LDB1: variants seen among roughly 807,000 people sequenced by gnomAD.
The protein encoded by LDB1 is LIM domain binding 1.
Under a neutral mutation model 49.7 loss-of-function variants are expected in LDB1, and 6 were observed. The observed-to-expected ratio is 0.12, with a 90% CI of 0.07 to 0.24. The LOEUF (loss-of-function observed/expected upper bound fraction) is 0.24. Ranked by LOEUF, LDB1 falls within the 10% of genes least tolerant of loss-of-function variation. LDB1 has a pLI of 1.00. For synonymous variants in LDB1, 233 were observed against 202.0 expected (o/e 1.15, Z -1.30); for missense variants, 341 against 561.7 (o/e 0.61, Z 3.97).
In LDB1 at chr10:102,106,835, G is replaced by A. The variant is rs879584498; in HGVS notation, c.*1258C>T. On this transcript the variant is annotated 3_prime_UTR_variant, in exon 11 of 11. Coordinates refer to ENST00000673968, the MANE Select transcript of LDB1 (RefSeq NM_001113407.3). ...CTGGCTGCACCCTGGCAGAGCCGAG[G>A]ATCCCGGCTGCCTCCTCCTCCTTCC... 1.3e-5 allele frequency among the ~76,000 whole-genome samples: 2 copies of A among 152,142 alleles called. No homozygotes were observed. Among genetic ancestry groups the A allele is most frequent in the Non-Finnish European group, 2.9e-5 (2 of 68,040 alleles).
rs1284157617 is a variant in LDB1, at chr10:102,107,147, T to G, written c.*946A>C. 6.6e-6 allele frequency among the ~76,000 whole-genome samples: 1 copy of G among 152,060 alleles called. No homozygotes were observed. Among genetic ancestry groups the G allele is most frequent in the Non-Finnish European group, 1.5e-5 (1 of 68,018 alleles). On this transcript the variant is annotated 3_prime_UTR_variant, in exon 11 of 11. Transcript: ENST00000673968. The stretch of plus-strand genomic sequence containing the variant: ...GCTGCTCCCTTCTCTCCACGCTCCC[T>G]AAGGGAAGGAGCCTCCCCTCCCCGC...
intron 1 of LDB1, chr10:102,114,881 C>T (rs975156438): frequency 4.4e-4 from 429 of 980,622 alleles, no homozygotes; most frequent in Non-Finnish European, 5.0e-4. Context: ...ACCCGGCACT[C>T]ACACTCACTC....
At chr10:102,114,538 T>A (rs929622643) in intron 1 of LDB1, 2 of 985,726 alleles carry the variant, frequency 2.0e-6, no homozygotes, top group African/African-American at 1.7e-5. Flanking sequence ...CAGGCCCGAC[T>A]GGGAGCTCCA....
rs1564912926 is a variant in LDB1 at position 102,110,871 on chromosome 10, T to C, written c.350A>G (p.Tyr117Cys). The change falls in exon 5 of 11, where the codon TAT (tyrosine) becomes TGT (cysteine). Residue 117 changes from tyrosine (Y) to cysteine (C), a missense_variant and splice_region_variant. Physicochemically the swap from Tyr to Cys is radical, Grantham distance 194. Around this residue, in one of 5 missense-constraint regions of LDB1, gnomAD observed 233 missense variants for 385.7 expected, o/e 0.60. Transcript: ENST00000673968. Reference sequence around the variant, plus strand: ...GCAAGACCCCAGAGGCCACTTACTATATCTCTTTGGTCCATCCTCCAGGCA... The same window carrying C: ...GCAAGACCCCAGAGGCCACTTACTACATCTCTTTGGTCCATCCTCCAGGCA... ...TFCLEDGPKR[Y>C]TIGRTLIPRY... 1 of 1,613,608 alleles carries C rather than the reference T, an allele frequency of 6.2e-7. No individual in the cohort carries two copies.
In LDB1 at chr10:102,111,509, T is replaced by C; in HGVS notation, c.53A>G (p.Tyr18Cys). ...GCCGTTCGGGGGCTCCTTCGGCGAG[T>C]ACAGCTTGAATGACTTTGAGGAACA... ...PGCSSKSFKL[Y>C]SPKEPPNGNA... The change falls in exon 2 of 11, where the codon TAC becomes TGC. Residue 18 changes from tyrosine (Y) to cysteine (C), a missense_variant. By Grantham distance (194) the Tyr-to-Cys change is radical (BLOSUM62 -2). Coordinates refer to ENST00000673968, the MANE Select transcript of LDB1 (RefSeq NM_001113407.3). 1 of 1,544,484 alleles carries C rather than the reference T, an allele frequency of 6.5e-7. No homozygotes were observed. The highest frequency in any genetic ancestry group is 8.7e-7 in the Non-Finnish European group (1 of 1,146,678).
downstream of LDB1, among the ~76,000 whole-genome samples, chr10:102,103,487 C>T (rs2068134023): frequency 6.6e-6 from 1 of 152,036 alleles, no homozygotes; most frequent in African/African-American, 2.4e-5. Flanking sequence ...ACTATAGATG[C>T]ACCACCACAC....
Position 102,108,047 on chromosome 10 carries a change from G to A in LDB1, c.*46C>T, listed in dbSNP as rs916613562. The A allele has an allele frequency of 1.4e-6, 2 of 1,401,996 alleles. No individual in the cohort carries two copies. The highest frequency in any genetic ancestry group is 1.4e-5 in the African/African-American group (1 of 70,720). 86.8% of individuals were successfully genotyped at this position (1,401,996 alleles called of 1,614,324 possible). A position where few individuals can be genotyped will look rare whatever the true frequency, so the allele number is the denominator to read the frequency against. ...GTCTTCTGCTCCCTGGGGCTGTGAG[G>A]GGTGGGGCAGGTAGGCAGAGCACTG... On this transcript the variant is annotated 3_prime_UTR_variant, in exon 11 of 11. Coordinates refer to ENST00000673968, the MANE Select transcript of LDB1 (RefSeq NM_001113407.3).
In LDB1 at chr10:102,108,265, T is replaced by A. The variant is rs763248283; in HGVS notation, c.1064A>T (p.Glu355Val). Residue 355 changes from glutamate to valine, a missense_variant, in exon 11 of 11, where the codon GAG becomes GTG. Physicochemically the swap from Glu to Val is moderately radical, Grantham distance 121 (BLOSUM62 -2). Coordinates refer to ENST00000673968, the MANE Select transcript of LDB1 (RefSeq NM_001113407.3). ...LMGGEFGDED[E>V]RLITRLENTQ... ...GTTCTCCAGCCGGGTGATGAGCCTC[T>A]CGTCCTCGTCCCCGAACTCCCCGCC... The A allele has an allele frequency of 6.2e-7, 1 of 1,614,028 alleles. No individual in the cohort carries two copies. The highest frequency in any genetic ancestry group is 8.5e-7 in the Non-Finnish European group (1 of 1,179,966).
At position 102,106,655 on chromosome 10, in the gene LDB1, A is replaced by G. The variant is rs2068164275; in HGVS notation, c.*1438T>C. Among the ~76,000 whole-genome samples, 1 of 149,154 alleles carries G rather than the reference A, an allele frequency of 6.7e-6. No individual in the cohort carries two copies. Among genetic ancestry groups the G allele is most frequent in the Non-Finnish European group, 1.5e-5 (1 of 67,380 alleles). On this transcript the variant is annotated 3_prime_UTR_variant, in exon 11 of 11. Coordinates refer to ENST00000673968, the MANE Select transcript of LDB1 (RefSeq NM_001113407.3). ...TCAGCTCCTGACTCAATACCCTTCCAAAAGTGGCAGCTGGAGTGGAGGAAA... is the reference window on the plus strand; with the variant it reads ...TCAGCTCCTGACTCAATACCCTTCCGAAAGTGGCAGCTGGAGTGGAGGAAA...
chr10:102,104,388 G>C (rs912776842), downstream of LDB1, among the ~76,000 whole-genome samples: 6 of 152,088 alleles, frequency 3.9e-5, no homozygotes, highest in African/African-American at 1.4e-4. Context: ...TGCCTTACCT[G>C]CACATATAAA....
rs1050374555 is a variant in LDB1, at chr10:102,111,469, G to C, written c.93C>G (p.Pro31=). 3 of 1,566,006 alleles carry C rather than the reference G, an allele frequency of 1.9e-6. No homozygotes were observed. Among genetic ancestry groups the C allele is most frequent in the East Asian group, 4.5e-5 (2 of 44,376 alleles). ...KEPPNGNAFP[P]FHPGTMLDRD... ...TATCCAGCATGGTGCCGGGATGGAA[G>C]GGGGGAAAGGCGTTGCCGTTCGGGG... The change falls in exon 2 of 11, where the codon CCC becomes CCG. Residue 31 remains proline, a synonymous_variant. Coordinates refer to ENST00000673968, the MANE Select transcript of LDB1 (RefSeq NM_001113407.3).
At chr10:102,119,977 T>TC in intron 1 of LDB1, 109 bp downstream of exon 1, 4 of 816,046 alleles carry the variant, frequency 4.9e-6, no homozygotes, top group Non-Finnish European at 7.0e-6. Flanking sequence ...GCCCCCGGCT[T>TC]CCCCCATGCC....
At chr10:102,108,947 T>A (rs1446958733) in intron 10 of LDB1, 82 bp downstream of exon 10, 1 of 1,572,002 alleles carries the variant, frequency 6.4e-7, no homozygotes, top group South Asian at 1.1e-5. Flanking sequence ...CTTCTACGCC[T>A]GCTAGTGAGC....
In LDB1 at chr10:102,117,834, G is replaced by A. The variant is rs774679299; in HGVS notation, c.25+2252C>T. ...GCCCCAGAAGCTGGTCCTCACCCCA[G>A]GAGCAATATGGGTGTTGGGCATGTG... On this transcript the variant is annotated intron_variant, in intron 1 of 10. Transcript: ENST00000673968. The surrounding 1 kb of genome is among the most constrained non-coding windows in gnomAD (Gnocchi z 4.2). Among the ~76,000 whole-genome samples the A allele has an allele frequency of 1.3e-5, 2 of 152,204 alleles. No individual in the cohort carries two copies. The highest frequency in any genetic ancestry group is 1.5e-5 in the Non-Finnish European group (1 of 68,032).
chr10:102,111,363 C>A, intron 2 of LDB1, 63 bp from the exon 3 acceptor site: 1 of 1,593,926 alleles, frequency 6.3e-7, no homozygotes, highest in Non-Finnish European at 8.6e-7. Context: ...GGGCAGGGGG[C>A]TACTCCCTCC....
intron 1 of LDB1, among the ~76,000 whole-genome samples, chr10:102,113,352 C>T (rs1357323064): frequency 6.6e-6 from 1 of 152,202 alleles, no homozygotes; most frequent in Non-Finnish European, 1.5e-5. Context: ...CCAGCAGCCC[C>T]AGGCAGATTC....
At position 102,110,728 on chromosome 10, in the gene LDB1, G is replaced by A. The variant is rs778752065; in HGVS notation, c.353-27C>T. 5.6e-6 allele frequency: 9 copies of A among 1,605,330 alleles called. No individual in the cohort carries two copies. The South Asian group carries it at 1.0e-4, about 18-fold the overall frequency. On this transcript the variant is annotated intron_variant, in intron 5 of 10. Transcript: ENST00000673968. ...TGTAGAGATGGGACAAACTCTTCAG[G>A]ACAAAGGGACCGCAAAAGGGGCCAG... is the stretch of plus-strand genomic sequence containing the variant.
In LDB1 at chr10:102,107,142, C is replaced by A. The variant is rs1033591692; in HGVS notation, c.*951G>T. Among the ~76,000 whole-genome samples the A allele has an allele frequency of 6.6e-6, 1 of 152,176 alleles. No individual in the cohort carries two copies. The highest frequency in any genetic ancestry group is 1.5e-5 in the Non-Finnish European group (1 of 68,030). ...ACAAGGCTGCTCCCTTCTCTCCACG[C>A]TCCCTAAGGGAAGGAGCCTCCCCTC... On this transcript the variant is annotated 3_prime_UTR_variant, in exon 11 of 11. Transcript: ENST00000673968.
chr10:102,120,285 C>G lies in LDB1; in HGVS notation c.-175G>C, dbSNP rs1269601329. ...TGGCTGCGGCGAGGGGCCTGTCAGG[C>G]GCGGAGCAGACAGGAAGGAAGCCAG... is the stretch of plus-strand genomic sequence containing the variant. On this transcript the variant is annotated 5_prime_UTR_variant, in exon 1 of 11. Transcript: ENST00000673968. The G allele has an allele frequency of 2.0e-6, 2 of 983,982 alleles. No homozygotes were observed. The highest frequency in any genetic ancestry group is 3.5e-5 in the African/African-American group (2 of 56,982). 61.0% of individuals were successfully genotyped at this position (983,982 alleles called of 1,614,324 possible). A position where few individuals can be genotyped will look rare whatever the true frequency, so the allele number is the denominator to read the frequency against.
Sources: gnomAD v4.1 joint callset for allele counts (sites outside exome capture counted in the v4.1 genomes callset) on GRCh38, gnomAD v4.1.1 for gene constraint, gnomAD v4.1.1 regional missense constraint, Gnocchi (gnomAD v3.1) non-coding constraint, MANE v1.5 for transcripts, NCBI Gene and HGNC (gene_info 2026-07-23, HGNC 2026-07-21) for gene names.